The following IFT74 variants were observed in gnomAD, a reference collection of about 807,000 sequenced individuals.
IFT74 encodes intraflagellar transport protein 74 homolog.
In IFT74, 92 loss-of-function variants were observed where a neutral mutation model predicts 96.7. The ratio of observed to expected loss-of-function variants is 0.95; its 90% CI spans 0.80 to 1.13. IFT74 has a LOEUF of 1.13. IFT74 is among the 50% of genes most tolerant of loss of function. The probability of loss-of-function intolerance (pLI) is 0.00; values close to 1 mark genes in which losing one functional copy is unlikely to be tolerated. For missense variants in IFT74, 811 were observed against 698.2 expected (o/e 1.16, Z -1.82); for synonymous variants, 223 against 213.2 (o/e 1.05, Z -0.40).
intron 1 of IFT74, among the ~76,000 whole-genome samples, chr9:26,950,181 A>G (rs1199475376): frequency 1.3e-5 from 2 of 152,066 alleles, no homozygotes; most frequent in Admixed American, 6.6e-5. Context: ...GTGTGGTGGC[A>G]CGCGCCTGTA....
upstream of IFT74, among the ~76,000 whole-genome samples, chr9:26,951,630 G>A (rs1825938159): frequency 6.6e-6 from 1 of 152,226 alleles, no homozygotes; most frequent in African/African-American, 2.4e-5. Flanking sequence ...TGGGCGCAAT[G>A]GCTCACGCCT....
chr9:26,980,325 TAG>T (rs1355430287), intron 3 of IFT74, among the ~76,000 whole-genome samples: 5 of 152,198 alleles, frequency 3.3e-5, no homozygotes, highest in African/African-American at 9.6e-5. Flanking sequence ...TCCTGTTCTG[TAG>T]AGTCTACTGT....
At chr9:26,995,512 T>C (rs778960392) in intron 8 of IFT74, 166 of 1,495,212 alleles carry the variant, frequency 1.1e-4, no homozygotes, top group Non-Finnish European at 1.3e-4. Context: ...AAGCAAACTT[T>C]GAAAGAAATT....
intron 2 of IFT74, among the ~76,000 whole-genome samples, chr9:26,975,866 T>C: frequency 6.6e-6 from 1 of 152,206 alleles, no homozygotes; most frequent in East Asian, 1.9e-4. Flanking sequence ...CTTCTTTCGC[T>C]TTTTCCACTC....
Position 26,995,496 on chromosome 9 carries a change from T to A in IFT74, c.587+5301T>A. ...AAACTGAGTGAGCTGATAACTTTGC[T>A]TTAAAAAGCAAACTTTGAAAGAAAT... On this transcript the variant is annotated intron_variant, in intron 8 of 19. Transcript: ENST00000380062. 3 of 1,424,604 alleles carry A rather than the reference T, an allele frequency of 2.1e-6. No individual in the cohort carries two copies. In the South Asian group the frequency reaches 4.2e-5, roughly 20 times the overall value. 88.2% of individuals were successfully genotyped at this position (1,424,604 alleles called of 1,614,324 possible). A position where few individuals can be genotyped will look rare whatever the true frequency, so the allele number is the denominator to read the frequency against.
At position 26,949,964 on chromosome 9, in the gene IFT74, A is replaced by T. The variant is rs189938667; in HGVS notation, c.-20+2818A>T. Among the ~76,000 whole-genome samples, 153 of 152,314 alleles carry T rather than the reference A, an allele frequency of 1.0e-3. 2 individuals are homozygous for T. The highest frequency in any genetic ancestry group is 3.5e-3 in the African/African-American group (147 of 41,566). ...ATCTGTAGGAGTACTTGGCGAAGTT[A>T]CAAATCTTGTGACCTCTGGTTACGT... On this transcript the variant is annotated intron_variant, in intron 1 of 19. Coordinates refer to the IFT74 transcript ENST00000433700.
At chr9:26,988,030 G>A (rs925167320) in intron 6 of IFT74, among the ~76,000 whole-genome samples, 3 of 151,892 alleles carry the variant, frequency 2.0e-5, no homozygotes, top group African/African-American at 4.8e-5. Context: ...TCGGCTCACC[G>A]CAACCTCTGC....
At chr9:26,996,623 G>T (rs1222163651) in intron 8 of IFT74, 3 of 568,640 alleles carry the variant, frequency 5.3e-6, no homozygotes, top group African/African-American at 1.9e-5. Flanking sequence ...AGAAATTCCT[G>T]TTGTATTTGT....
intron 18 of IFT74, 83 bp from the exon 19 acceptor site, chr9:27,060,508 T>C (rs1369656115): frequency 9.0e-6 from 7 of 781,872 alleles, no homozygotes; most frequent in Non-Finnish European, 1.4e-5. Flanking sequence ...GTTGGAGAGA[T>C]TTTTTTTGTC....
At chr9:26,954,552 G>GC (rs1208274490), upstream of IFT74, among the ~76,000 whole-genome samples, 6 of 150,626 alleles carry the variant, frequency 4.0e-5, no homozygotes, top group Non-Finnish European at 1.5e-5. Context: ...AGTACAGGGT[G>GC]CACTGAGGAC....
chr9:27,017,104 G>A (rs976240579), intron 11 of IFT74, 54 bp downstream of exon 11: 11 of 1,488,206 alleles, frequency 7.4e-6, no homozygotes, highest in Non-Finnish European at 1.0e-5. Context: ...TACATGTATT[G>A]ATTTGTTTTT....
At chr9:27,000,566 T>A (rs180677939) in intron 8 of IFT74, among the ~76,000 whole-genome samples, 29 of 152,338 alleles carry the variant, frequency 1.9e-4, no homozygotes, top group African/African-American at 6.7e-4. Flanking sequence ...AGTGCATTCA[T>A]ATAATTTTTA....
At chr9:26,981,028 C>T (rs921346925) in intron 4 of IFT74, among the ~76,000 whole-genome samples, 1 of 152,112 alleles carries the variant, frequency 6.6e-6, no homozygotes, top group Non-Finnish European at 1.5e-5. Flanking sequence ...CAGATAGTGC[C>T]GTCAAGGTGT....
intron 13 of IFT74, among the ~76,000 whole-genome samples, chr9:27,030,698 G>A (rs888455662): frequency 5.9e-5 from 9 of 152,088 alleles, no homozygotes; most frequent in Admixed American, 1.3e-4. Flanking sequence ...TTAGTAAAGC[G>A]GAGTATTATT....
chr9:26,998,256 AAAAG>A (rs1436035219), intron 8 of IFT74: 4 of 1,375,694 alleles, frequency 2.9e-6, no homozygotes, highest in Admixed American at 2.6e-5. Context: ...AAAAACAAAA[AAAAG>A]AAAGGCATTA....
chr9:26,986,152 GAAAT>G (rs67355437), intron 6 of IFT74, among the ~76,000 whole-genome samples: 15,942 of 152,024 alleles, frequency 0.1, 889 homozygotes, highest in South Asian at 0.24. Flanking sequence ...AGTGTTACAA[GAAAT>G]AAACATTCTA....
intron 1 of IFT74, among the ~76,000 whole-genome samples, chr9:26,949,561 T>A (rs577399079): frequency 6.6e-6 from 1 of 152,146 alleles, no homozygotes; most frequent in African/African-American, 2.4e-5. Flanking sequence ...ATGTGTAATT[T>A]CACATTTCCC....
chr9:27,060,346 G>A lies in IFT74; in HGVS notation c.1624-245G>A, dbSNP rs73438244. 6.7e-3 allele frequency among the ~76,000 whole-genome samples: 1,020 copies of A among 151,930 alleles called. 14 individuals are homozygous for A. The highest frequency in any genetic ancestry group is 0.023 in the African/African-American group (942 of 41,474). ...TGTCTTTCAGTTGGCATGTTCATTGGTATAATAAACATTTAAAATATAATT... is the reference window on the plus strand; with the variant it reads ...TGTCTTTCAGTTGGCATGTTCATTGATATAATAAACATTTAAAATATAATT... On this transcript the variant is annotated intron_variant, in intron 18 of 19. Coordinates refer to ENST00000380062, the MANE Select transcript of IFT74 (RefSeq NM_025103.4).
intron 2 of IFT74, chr9:26,976,698 C>T (rs1827142127): frequency 2.2e-6 from 1 of 449,544 alleles, no homozygotes; most frequent in Non-Finnish European, 4.4e-6. Context: ...GCAGGGGGTA[C>T]CTGGAATTAG....
Sources: allele counts gnomAD v4.1 joint callset (sites outside exome capture counted in the v4.1 genomes callset), GRCh38; gene constraint gnomAD v4.1.1; transcripts MANE v1.5; gene names NCBI Gene and HGNC (gene_info 2026-07-23, HGNC 2026-07-21).